ARRDC5: variants seen among roughly 807,000 people sequenced by gnomAD.
ARRDC5 encodes arrestin domain containing 5, also known as arrestin domain-containing protein 5.
In ARRDC5, 12 loss-of-function variants were observed where a neutral mutation model predicts 13.3. That is an observed-to-expected ratio of 0.90 (90% CI 0.58 to 1.46). The LOEUF (loss-of-function observed/expected upper bound fraction) is 1.46, where lower values mean the gene tolerates loss of function less well. Among genes scored for constraint, ARRDC5 ranks in the 40% most tolerant of loss-of-function variants. ARRDC5 has a pLI of 0.00. For missense variants in ARRDC5, 406 were observed against 418.7 expected, an observed-to-expected ratio of 0.97 and a Z score of 0.26; for synonymous variants, 181 against 173.4, an observed-to-expected ratio of 1.04 and a Z score of -0.34.
At chr19:4,912,435 C>T in the ARRDC5 span, among the ~76,000 whole-genome samples, 4 of 152,158 alleles carry the variant, frequency 2.6e-5, no homozygotes, top group Non-Finnish European at 5.9e-5. Context: ...GGGTTGGACT[C>T]TCATGCTCCC....
chr19:4,890,884 T>A lies in ARRDC5; in HGVS notation c.*162A>T. 1 of 623,852 alleles carries A rather than the reference T, an allele frequency of 1.6e-6. No homozygotes were observed. The highest frequency in any genetic ancestry group is 2.8e-6 in the Non-Finnish European group (1 of 358,492). 38.6% of individuals were successfully genotyped at this position (623,852 alleles called of 1,614,324 possible). A position where few individuals can be genotyped will look rare whatever the true frequency, so the allele number is the denominator to read the frequency against. ...TCCATTCCAGGCATTCAGTGATAGT[T>A]CTAGGGAGGGGAGACACAGATACCT... On this transcript the variant is annotated 3_prime_UTR_variant, in exon 3 of 3. Transcript: ENST00000650722.
At chr19:4,898,026 G>T (rs915113689) in intron 1 of ARRDC5, among the ~76,000 whole-genome samples, 1 of 152,288 alleles carries the variant, frequency 6.6e-6, no homozygotes, top group Non-Finnish European at 1.5e-5. Flanking sequence ...GACGGAGGTT[G>T]CAGTGAGCCG....
At position 4,891,219 on chromosome 19, in the gene ARRDC5, C is replaced by T; in HGVS notation, c.814G>A (p.Gly272Ser). 1.2e-6 allele frequency: 2 copies of T among 1,613,792 alleles called. No homozygotes were observed. The highest frequency in any genetic ancestry group is 1.7e-5 in the Admixed American group (1 of 59,984). ...LLSVSSSTQD[G>S]EIMHTRYELV... ...TCGTAGCGAGTGTGCATGATCTCAC[C>T]GTCCTGCGTGCTGCTGCTCACGGAC... The change falls in exon 3 of 3, where the codon GGT becomes AGT. Residue 272 changes from glycine to serine, a missense_variant. Transcript: ENST00000650722.
chr19:4,891,535 G>A lies in ARRDC5; in HGVS notation c.498C>T (p.Tyr166=), dbSNP rs1330398423. Residue 166 remains tyrosine (Y), a synonymous_variant, in exon 3 of 3, where the codon TAC becomes TAT. Transcript: ENST00000650722. ...LFVEAEEKVS[Y]NCCRQGTVCL... ...AGACAGTGCCCTGGCGGCAGCAGTTGTAGGAGACTTTCTCCTCAGCCTCCA... is the reference window on the plus strand; with the variant it reads ...AGACAGTGCCCTGGCGGCAGCAGTTATAGGAGACTTTCTCCTCAGCCTCCA... 1 of 1,613,738 alleles carries A rather than the reference G, an allele frequency of 6.2e-7. No homozygotes were observed. Among genetic ancestry groups the A allele is most frequent in the Non-Finnish European group, 8.5e-7 (1 of 1,179,780 alleles).
chr19:4,893,131 AAT>A (rs2031570131), intron 2 of ARRDC5, among the ~76,000 whole-genome samples: 1 of 141,596 alleles, frequency 7.1e-6, no homozygotes, highest in Non-Finnish European at 1.5e-5. Context: ...ATAATAATAT[AAT>A]ATATATTATA....
the ARRDC5 span, among the ~76,000 whole-genome samples, chr19:4,912,653 C>A: frequency 6.6e-6 from 1 of 152,142 alleles, no homozygotes; most frequent in Non-Finnish European, 1.5e-5. Flanking sequence ...TTTTGGGATG[C>A]ATTTCAAAGT....
At chr19:4,912,164 C>G in the ARRDC5 span, among the ~76,000 whole-genome samples, 27 of 152,122 alleles carry the variant, frequency 1.8e-4, no homozygotes, top group Non-Finnish European at 3.5e-4. Context: ...CGCCCTGCCC[C>G]GGGAGGAGGC....
the ARRDC5 span, among the ~76,000 whole-genome samples, chr19:4,914,236 A>T: frequency 6.6e-6 from 1 of 152,046 alleles, no homozygotes; most frequent in South Asian, 2.1e-4. Context: ...GGCAGCAGGG[A>T]GGTTTGGACA....
chr19:4,913,252 C>CT, the ARRDC5 span, among the ~76,000 whole-genome samples: 3,752 of 111,134 alleles, frequency 0.034, 274 homozygotes, highest in Admixed American at 0.13. Flanking sequence ...GTACATTGTG[C>CT]TTTTTTTTTT....
At chr19:4,916,634 G>A in the ARRDC5 span, among the ~76,000 whole-genome samples, 2 of 151,870 alleles carry the variant, frequency 1.3e-5, no homozygotes, top group African/African-American at 2.4e-5. Flanking sequence ...TCGCGGCGCC[G>A]TCCACGCCAC....
chr19:4,896,603 G>A (rs377758626), intron 2 of ARRDC5, 68 bp downstream of exon 2: 20 of 1,237,706 alleles, frequency 1.6e-5, no homozygotes, highest in Middle Eastern at 2.4e-4. Flanking sequence ...TCCCCTGCCT[G>A]CCCACCTTCC....
At chr19:4,909,627 C>T in the ARRDC5 span, 2 of 603,392 alleles carry the variant, frequency 3.3e-6, no homozygotes, top group South Asian at 1.8e-5. Context: ...CGCGCGCAGG[C>T]AGACAAGCTG....
At chr19:4,906,938 T>C (rs2032075819), upstream of ARRDC5, among the ~76,000 whole-genome samples, 1 of 152,166 alleles carries the variant, frequency 6.6e-6, no homozygotes, top group South Asian at 2.1e-4. Flanking sequence ...CTCATACCTG[T>C]GGTGTGGGTT....
At position 4,891,098 on chromosome 19, in the gene ARRDC5, C is replaced by T; in HGVS notation, c.935G>A (p.Cys312Tyr). 6.2e-7 allele frequency: 1 copy of T among 1,613,856 alleles called. No homozygotes were observed. The highest frequency in any genetic ancestry group is 8.5e-7 in the Non-Finnish European group (1 of 1,179,802). Residue 312 changes from cysteine (C) to tyrosine (Y), a missense_variant, in exon 3 of 3, where the codon TGC becomes TAC. By Grantham distance (194) the Cys-to-Tyr change is radical. Transcript: ENST00000650722. ...ITSASVDSAI[C>Y]QLSEDGVLPV... ...TAACACTCCGTCCTCTGACAGCTGGCAGATGGCAGAGTCCACTGAGGCGCT... is the reference window on the plus strand; with the variant it reads ...TAACACTCCGTCCTCTGACAGCTGGTAGATGGCAGAGTCCACTGAGGCGCT...
At chr19:4,909,962 C>T in the ARRDC5 span, among the ~76,000 whole-genome samples, 1 of 150,582 alleles carries the variant, frequency 6.6e-6, no homozygotes, top group African/African-American at 2.4e-5. Flanking sequence ...CCCCGCGATT[C>T]AATTGTCGCG....
intron 2 of ARRDC5, among the ~76,000 whole-genome samples, chr19:4,892,156 C>T (rs1009768880): frequency 1.1e-4 from 17 of 151,946 alleles, no homozygotes; most frequent in East Asian, 9.8e-4. Flanking sequence ...GGCGTGATCT[C>T]GGCTCAGTGC....
upstream of ARRDC5, among the ~76,000 whole-genome samples, chr19:4,904,299 T>C (rs553452944): frequency 3.6e-4 from 54 of 152,042 alleles, no homozygotes; most frequent in Non-Finnish European, 3.5e-4. Flanking sequence ...CTGCCTCAGC[T>C]TCCCGAGTAG....
chr19:4,910,124 TC>T, the ARRDC5 span: 1 of 146,746 alleles, frequency 6.8e-6, no homozygotes, highest in Admixed American at 6.7e-5. Flanking sequence ...CCCTCTGTAG[TC>T]CCGGCGGCGG....
rs1178612775 is a variant in ARRDC5 at position 4,896,329 on chromosome 19, A to AAT, written c.459+340_459+341dup. The stretch of plus-strand genomic sequence containing the variant: ...ACTGCATCTCAAAAAAAAAAAAAAA[A>AAT]ATATATATATATATATATATTTTTT... On this transcript the variant is annotated intron_variant, in intron 2 of 2. Transcript: ENST00000650722. 7.8e-4 allele frequency among the ~76,000 whole-genome samples: 57 copies of AAT among 73,346 alleles called. 4 individuals are homozygous for AAT. The highest frequency in any genetic ancestry group is 1.1e-3 in the South Asian group (2 of 1,868). 48.1% of individuals were successfully genotyped at this position (73,346 alleles called of 152,430 possible). A position where few individuals can be genotyped will look rare whatever the true frequency, so the allele number is the denominator to read the frequency against.
Sources: allele counts gnomAD v4.1 joint callset (sites outside exome capture counted in the v4.1 genomes callset), GRCh38; gene constraint gnomAD v4.1.1; transcripts MANE v1.5; gene names NCBI Gene and HGNC (gene_info 2026-07-23, HGNC 2026-07-21).